NAA16: variants seen among roughly 807,000 people sequenced by gnomAD.
The protein encoded by NAA16 is NARG1-like protein.
In NAA16, 97 loss-of-function variants were observed where a neutral mutation model predicts 110.3. That is an observed-to-expected ratio of 0.88 (90% CI 0.75 to 1.04). The LOEUF (loss-of-function observed/expected upper bound fraction) is 1.04, where lower values mean the gene tolerates loss of function less well. Among genes scored for constraint, NAA16 ranks in the 50% least tolerant of loss-of-function variants. The pLI, the probability that NAA16 is intolerant of heterozygous loss-of-function variation, is 0.00. For missense variants in NAA16, 1,017 were observed against 1,005.1 expected (o/e 1.01, Z -0.16); for synonymous variants, 372 against 330.6 (o/e 1.13, Z -1.36).
intron 14 of NAA16, among the ~76,000 whole-genome samples, chr13:41,368,262 T>C (rs545223847): frequency 5.9e-5 from 9 of 152,142 alleles, no homozygotes; most frequent in African/African-American, 2.2e-4. Context: ...ATTTGAGAAA[T>C]AGTTAGCATG....
intron 13 of NAA16, among the ~76,000 whole-genome samples, chr13:41,364,871 T>C (rs1488145130): frequency 6.6e-6 from 1 of 152,190 alleles, no homozygotes; most frequent in African/African-American, 2.4e-5. Flanking sequence ...GAGGTTTTTG[T>C]TGCCTTTCTC....
At position 41,323,070 on chromosome 13, in the gene NAA16, G is replaced by A. The variant is rs911553039; in HGVS notation, c.417G>A (p.Gln139=). 6.2e-7 allele frequency: 1 copy of A among 1,613,646 alleles called. No individual in the cohort carries two copies. The highest frequency in any genetic ancestry group is 2.2e-5 in the East Asian group (1 of 44,876). The change falls in exon 5 of 20, where the codon CAG becomes CAA. Residue 139 remains glutamine, a synonymous_variant. Coordinates refer to ENST00000379406, the MANE Select transcript of NAA16 (RefSeq NM_024561.5). ...TTTTTTTTTAGGAGACAAGATACCA[G>A]CTTCTTCAGTTGCGCCCCACACAGC... ...DLEGYRETRY[Q]LLQLRPTQRA... is the part of the protein sequence containing the mutation.
chr13:41,359,622 A>G (rs1593512491), intron 12 of NAA16, among the ~76,000 whole-genome samples: 1 of 152,216 alleles, frequency 6.6e-6, no homozygotes, highest in Non-Finnish European at 1.5e-5. Flanking sequence ...TGGGACAATT[A>G]GTTACTCCTG....
At chr13:41,353,749 A>G (rs2042903623) in intron 9 of NAA16, among the ~76,000 whole-genome samples, 2 of 145,042 alleles carry the variant, frequency 1.4e-5, no homozygotes, top group Non-Finnish European at 3.0e-5. Context: ...CCTAGGTGAC[A>G]GAGGGCGACC....
intron 9 of NAA16, among the ~76,000 whole-genome samples, chr13:41,350,842 C>T (rs1390858063): frequency 6.6e-6 from 1 of 152,046 alleles, no homozygotes; most frequent in Non-Finnish European, 1.5e-5. Flanking sequence ...CCAGGCTGGT[C>T]TTGGGCTCCT....
intron 13 of NAA16, 145 bp from the exon 14 acceptor site, chr13:41,367,294 T>G: frequency 1.8e-6 from 1 of 552,692 alleles, no homozygotes; most frequent in East Asian, 2.9e-5. Context: ...TCATATCCTT[T>G]ATAGTGTAAA....
chr13:41,319,255 A>G (rs1441020476), intron 3 of NAA16, among the ~76,000 whole-genome samples: 3 of 152,210 alleles, frequency 2.0e-5, no homozygotes, highest in Non-Finnish European at 4.4e-5. Flanking sequence ...TCTTAAACAT[A>G]ATTAACTGGG....
At chr13:41,341,727 T>C (rs1477522074) in intron 9 of NAA16, among the ~76,000 whole-genome samples, 1 of 151,928 alleles carries the variant, frequency 6.6e-6, no homozygotes, top group African/African-American at 2.4e-5. Flanking sequence ...AAGAAAAAAA[T>C]AAGAACATCT....
At chr13:41,338,258 C>T (rs2042436496) in intron 9 of NAA16, among the ~76,000 whole-genome samples, 1 of 152,188 alleles carries the variant, frequency 6.6e-6, no homozygotes, top group Admixed American at 6.5e-5. Context: ...CTACTGACTA[C>T]AGTGGACATT....
chr13:41,325,893 C>CA (rs1466814313), intron 6 of NAA16, 42 bp downstream of exon 6: 10 of 1,491,960 alleles, frequency 6.7e-6, no homozygotes, highest in African/African-American at 2.8e-5. Flanking sequence ...AAACAGAAAA[C>CA]AAAAAAACTA....
In NAA16 at chr13:41,311,448, G is replaced by A. The variant is rs1394356259; in HGVS notation, c.-81G>A. ...GCAGCCCGACTCTCAGCAGCGGTTC[G>A]TCCCGGTGCCCACCCCCGCGAAGCG... is the stretch of plus-strand genomic sequence containing the variant. On this transcript the variant is annotated 5_prime_UTR_variant, in exon 1 of 20. Coordinates refer to ENST00000379406, the MANE Select transcript of NAA16 (RefSeq NM_024561.5). 3 of 1,394,048 alleles carry A rather than the reference G, an allele frequency of 2.2e-6. No individual in the cohort carries two copies. The highest frequency in any genetic ancestry group is 4.0e-5 in the Admixed American group (2 of 49,486). 86.4% of individuals were successfully genotyped at this position (1,394,048 alleles called of 1,614,324 possible).
chr13:41,326,947 C>T (rs2042108165), intron 6 of NAA16, among the ~76,000 whole-genome samples: 1 of 152,160 alleles, frequency 6.6e-6, no homozygotes, highest in South Asian at 2.1e-4. Flanking sequence ...CTGCAAACCC[C>T]TGGCAACCAC....
intron 8 of NAA16, among the ~76,000 whole-genome samples, chr13:41,336,000 T>C (rs1232196961): frequency 6.6e-6 from 1 of 152,078 alleles, no homozygotes; most frequent in East Asian, 1.9e-4. Context: ...ATGACAAAAA[T>C]CATTTCTGGG....
chr13:41,355,279 C>T, intron 10 of NAA16, 63 bp downstream of exon 10: 1 of 1,024,572 alleles, frequency 9.8e-7, no homozygotes, highest in Non-Finnish European at 1.5e-6. Flanking sequence ...CACAGTAATG[C>T]TCTTTTATGT....
At chr13:41,368,701 A>T (rs1432797283) in intron 14 of NAA16, among the ~76,000 whole-genome samples, 1 of 152,182 alleles carries the variant, frequency 6.6e-6, no homozygotes, top group Non-Finnish European at 1.5e-5. Flanking sequence ...ACATGTCCAG[A>T]CTTTTTTTCT....
rs2042077563 is a variant in NAA16 at position 41,325,783 on chromosome 13, A to G, written c.623A>G (p.Glu208Gly). The G allele has an allele frequency of 6.2e-7, 1 of 1,608,536 alleles. No individual in the cohort carries two copies. The highest frequency in any genetic ancestry group is 8.5e-7 in the Non-Finnish European group (1 of 1,175,606). ...QVMREADLLQESLEHIEMYEK... is the reference protein window; with the variant it reads ...QVMREADLLQGSLEHIEMYEK... ...ATGAGAGAGGCAGATCTGTTGCAGG[A>G]ATCTTTGGAACATATAGAAATGTAT... is the stretch of plus-strand genomic sequence containing the variant. The change falls in exon 6 of 20, where the codon GAA becomes GGA. Residue 208 changes from glutamate to glycine, a missense_variant. By Grantham distance (98) the Glu-to-Gly change is moderately conservative. Transcript: ENST00000379406.
chr13:41,353,360 AT>A (rs1443870687), intron 9 of NAA16, among the ~76,000 whole-genome samples: 7 of 152,202 alleles, frequency 4.6e-5, no homozygotes, highest in African/African-American at 1.7e-4. Context: ...TGGATTAAAA[AT>A]GTCTGTTAAC....
At chr13:41,323,032 A>G (rs1566246118) in intron 4 of NAA16, 24 bp from the exon 5 acceptor site, 1 of 1,606,412 alleles carries the variant, frequency 6.2e-7, no homozygotes, top group Non-Finnish European at 8.5e-7. Context: ...GAGAATATTT[A>G]GCAAGTTAAA....
intron 9 of NAA16, among the ~76,000 whole-genome samples, chr13:41,342,651 A>G (rs1341168348): frequency 1.3e-5 from 2 of 152,220 alleles, no homozygotes; most frequent in African/African-American, 4.8e-5. Context: ...CTTAATGAGA[A>G]GATTTTATAT....
Sources: gnomAD v4.1 joint callset for allele counts (sites outside exome capture counted in the v4.1 genomes callset) on GRCh38, gnomAD v4.1.1 for gene constraint, MANE v1.5 for transcripts, NCBI Gene and HGNC (gene_info 2026-07-23, HGNC 2026-07-21) for gene names.